Variants in ARHGAP31 observed in about 807,000 individuals in gnomAD.
The protein encoded by ARHGAP31 is Rho GTPase activating protein 31.
A neutral mutation model predicts 113.9 loss-of-function variants in ARHGAP31; 34 were observed. The observed-to-expected ratio is 0.30, with a 90% CI of 0.23 to 0.40. ARHGAP31 has a LOEUF of 0.40. Ranked by LOEUF, ARHGAP31 falls within the 10% of genes least tolerant of loss-of-function variation. ARHGAP31 has a pLI of 1.00. For missense variants in ARHGAP31, 1,548 were observed against 1,767.1 expected (o/e 0.88, Z 2.22); for synonymous variants, 650 against 684.8 (o/e 0.95, Z 0.79).
At chr3:119,349,684 T>C (rs1478149123) in intron 1 of ARHGAP31, among the ~76,000 whole-genome samples, 1 of 152,198 alleles carries the variant, frequency 6.6e-6, no homozygotes, top group Non-Finnish European at 1.5e-5. Flanking sequence ...CAATGGGCTG[T>C]CCCTCCTCCC....
rs1431684242 is a variant in ARHGAP31 at position 119,321,293 on chromosome 3, A to AG, written c.100+26289_100+26290insG. On this transcript the variant is annotated intron_variant, in intron 1 of 11. Coordinates refer to ENST00000264245, the MANE Select transcript of ARHGAP31 (RefSeq NM_020754.4). ...ATATATATATACTATATATATATAT[A>AG]TAGTATATATATATGTATTATGTAT... 8.6e-3 allele frequency among the ~76,000 whole-genome samples: 1,258 copies of AG among 146,988 alleles called. 16 individuals carry two copies. The highest frequency in any genetic ancestry group is 0.03 in the African/African-American group (1,200 of 40,472).
chr3:119,405,210 C>G (rs2080649218), intron 10 of ARHGAP31, among the ~76,000 whole-genome samples: 1 of 152,092 alleles, frequency 6.6e-6, no homozygotes, highest in South Asian at 2.1e-4. Flanking sequence ...CAGGAGCAAG[C>G]CTACCTTATA....
At chr3:119,370,537 G>A (rs911297344) in intron 3 of ARHGAP31, among the ~76,000 whole-genome samples, 5 of 152,072 alleles carry the variant, frequency 3.3e-5, no homozygotes, top group South Asian at 4.2e-4. Flanking sequence ...TTAACAGATC[G>A]AACAGATATT....
intron 1 of ARHGAP31, among the ~76,000 whole-genome samples, chr3:119,355,351 C>A (rs1343663857): frequency 6.6e-6 from 1 of 152,066 alleles, no homozygotes; most frequent in Admixed American, 6.5e-5. Flanking sequence ...TAAAGCCATG[C>A]TTGACACTTA....
At chr3:119,298,055 C>A (rs1304746348) in intron 1 of ARHGAP31, among the ~76,000 whole-genome samples, 1 of 152,086 alleles carries the variant, frequency 6.6e-6, no homozygotes, top group Non-Finnish European at 1.5e-5. Flanking sequence ...CAATTTTCCC[C>A]CTTCTTTGAC....
intron 1 of ARHGAP31, among the ~76,000 whole-genome samples, chr3:119,303,040 CTT>C (rs1313205486): frequency 5.9e-5 from 9 of 152,338 alleles, no homozygotes; most frequent in Non-Finnish European, 1.2e-4. Flanking sequence ...TACCCACTGC[CTT>C]AGGGTCAGGT....
chr3:119,365,182 G>A, intron 1 of ARHGAP31, 134 bp from the exon 2 acceptor site: 1 of 703,214 alleles, frequency 1.4e-6, no homozygotes, highest in East Asian at 2.7e-5. Context: ...ACAAGAAATT[G>A]TTTCCACTTG....
In ARHGAP31 at chr3:119,414,977, A is replaced by C; in HGVS notation, c.3048A>C (p.Ala1016=). ...SFREFSGLKG[A]EAPPNQKGPS... is the part of the protein sequence containing the mutation. ...GAGAGTTCTCTGGCCTGAAAGGGGC[A>C]GAGGCTCCTCCCAACCAGAAGGGAC... The change falls in exon 12 of 12, where the codon GCA becomes GCC. Residue 1016 remains alanine, a synonymous_variant. Coordinates refer to ENST00000264245, the MANE Select transcript of ARHGAP31 (RefSeq NM_020754.4). 1.2e-6 allele frequency: 2 copies of C among 1,614,198 alleles called. No individual in the cohort carries two copies. The highest frequency in any genetic ancestry group is 1.7e-6 in the Non-Finnish European group (2 of 1,180,032).
intron 1 of ARHGAP31, among the ~76,000 whole-genome samples, chr3:119,308,993 C>A (rs1230817812): frequency 6.6e-6 from 1 of 152,060 alleles, no homozygotes; most frequent in African/African-American, 2.4e-5. Flanking sequence ...AGGCATGCAC[C>A]CCCACGCCTG....
chr3:119,325,017 C>A (rs2079829400), intron 1 of ARHGAP31: 3 of 454,912 alleles, frequency 6.6e-6, no homozygotes, highest in Non-Finnish European at 1.3e-5. Context: ...TTATATGATG[C>A]CGTCTTAAAT....
rs188013607 is a variant in ARHGAP31 at position 119,417,596 on chromosome 3, T to C, written c.*1332T>C. ...CCCCATCTCTTAAAAAATAACAGACTTGAGGAACCCCTCTCCCTTCCATAA... is the reference window on the plus strand; with the variant it reads ...CCCCATCTCTTAAAAAATAACAGACCTGAGGAACCCCTCTCCCTTCCATAA... On this transcript the variant is annotated 3_prime_UTR_variant, in exon 12 of 12. Transcript: ENST00000264245. The C allele has an allele frequency of 6.6e-6, 1 of 152,028 alleles. No individual in the cohort carries two copies. The highest frequency in any genetic ancestry group is 2.4e-5 in the African/African-American group (1 of 41,430). 9.4% of individuals were successfully genotyped at this position (152,028 alleles called of 1,614,324 possible).
intron 1 of ARHGAP31, among the ~76,000 whole-genome samples, chr3:119,345,852 G>A (rs1406491439): frequency 6.6e-6 from 1 of 152,110 alleles, no homozygotes; most frequent in Non-Finnish European, 1.5e-5. Flanking sequence ...CAAATCTCTG[G>A]GACATAAAAA....
In ARHGAP31 at chr3:119,347,412, A is replaced by C. The variant is rs374927622; in HGVS notation, c.101-17904A>C. Among the ~76,000 whole-genome samples the C allele has an allele frequency of 7.2e-5, 11 of 152,386 alleles. No individual in the cohort carries two copies. In the East Asian group the frequency reaches 1.2e-3, roughly 16 times the overall value. ...TATTAATAGCGAACCCATTGATTTA[A>C]GACTGTATCAGGTATTCCCTACTCT... is the stretch of plus-strand genomic sequence containing the variant. On this transcript the variant is annotated intron_variant, in intron 1 of 11. Coordinates refer to ENST00000264245, the MANE Select transcript of ARHGAP31 (RefSeq NM_020754.4).
At chr3:119,379,277 T>C (rs1165848462) in intron 3 of ARHGAP31, among the ~76,000 whole-genome samples, 4 of 152,142 alleles carry the variant, frequency 2.6e-5, no homozygotes, top group African/African-American at 9.7e-5. Context: ...TGTAGTGTAA[T>C]GGCAGTGAGT....
chr3:119,365,568 C>T (rs1282246112), intron 2 of ARHGAP31, 150 bp downstream of exon 2: 30 of 732,736 alleles, frequency 4.1e-5, no homozygotes, highest in Non-Finnish European at 7.0e-5. Context: ...TTTCAGATGC[C>T]TGACTGTTCT....
At position 119,373,918 on chromosome 3, in the gene ARHGAP31, G is replaced by A. The variant is rs114703178; in HGVS notation, c.348+5402G>A. The stretch of plus-strand genomic sequence containing the variant: ...CTCCATTCTAGGGTGACAATCAGAT[G>A]TGCACACAAATAATTGATGTACAAG... On this transcript the variant is annotated intron_variant, in intron 3 of 11. Coordinates refer to ENST00000264245, the MANE Select transcript of ARHGAP31 (RefSeq NM_020754.4). 3.4e-3 allele frequency among the ~76,000 whole-genome samples: 520 copies of A among 152,330 alleles called. 2 individuals are homozygous for A. Among genetic ancestry groups the A allele is most frequent in the Non-Finnish European group, 5.6e-3 (382 of 68,038 alleles).
At chr3:119,353,344 A>T (rs1017183774) in intron 1 of ARHGAP31, among the ~76,000 whole-genome samples, 1 of 152,144 alleles carries the variant, frequency 6.6e-6, no homozygotes, top group Non-Finnish European at 1.5e-5. Context: ...TTTTGTTACA[A>T]TTTTTGTGCC....
chr3:119,413,784 CT>C (rs1407111710), intron 11 of ARHGAP31, 71 bp from the exon 12 acceptor site: 6 of 1,607,518 alleles, frequency 3.7e-6, no homozygotes, highest in Admixed American at 1.7e-5. Context: ...TCCCTTCCCT[CT>C]CACTGGAAAC....
chr3:119,360,456 T>G (rs1169618318), intron 1 of ARHGAP31, among the ~76,000 whole-genome samples: 1 of 152,224 alleles, frequency 6.6e-6, no homozygotes, highest in Non-Finnish European at 1.5e-5. Context: ...CAACTGTGCT[T>G]CTTTCAATCT....
Sources: gnomAD v4.1 joint callset for allele counts (sites outside exome capture counted in the v4.1 genomes callset) on GRCh38, gnomAD v4.1.1 for gene constraint, MANE v1.5 for transcripts, NCBI Gene and HGNC (gene_info 2026-07-23, HGNC 2026-07-21) for gene names.